Variants in PLCE1 observed in about 807,000 individuals in gnomAD.
PLCE1 encodes the protein phospholipase C epsilon 1.
PLCE1 carries 119 observed loss-of-function variants against 242.8 expected under a neutral mutation model. The observed-to-expected ratio is 0.49, with a 90% CI of 0.42 to 0.57. The LOEUF is 0.57. PLCE1 is among the 20% of genes least tolerant of loss of function. The pLI is 0.00. For synonymous variants in PLCE1, 945 were observed against 1,017.4 expected (o/e 0.93, Z 1.35); for missense variants, 2,441 against 2,788.8 (o/e 0.88, Z 2.81).
At chr10:94,012,349 G>A (rs1342961653) in intron 1 of PLCE1, among the ~76,000 whole-genome samples, 4 of 151,894 alleles carry the variant, frequency 2.6e-5, no homozygotes, top group African/African-American at 9.7e-5. Flanking sequence ...TAGCCAACAG[G>A]GCAAGTCAAG....
In PLCE1 at chr10:94,293,587, G is replaced by A. The variant is rs751378446; in HGVS notation, c.5115G>A (p.Pro1705=). 111 of 1,613,728 alleles carry A rather than the reference G, an allele frequency of 6.9e-5. No individual in the cohort carries two copies. Among genetic ancestry groups the A allele is most frequent in the Non-Finnish European group, 5.8e-5 (69 of 1,179,850 alleles). Residue 1705 remains proline, a synonymous_variant, in exon 23 of 33, where the codon CCG becomes CCA. Transcript: ENST00000371380. ...GGAAGTCCATTTTTGGCAACAATCCGGGCAGAATGAGCCCAGGGGAGACAG... is the reference window on the plus strand; with the variant it reads ...GGAAGTCCATTTTTGGCAACAATCCAGGCAGAATGAGCCCAGGGGAGACAG... ...KSRKSIFGNN[P]GRMSPGETAS...
chr10:94,263,489 C>T (rs534093274), intron 14 of PLCE1, among the ~76,000 whole-genome samples: 13 of 144,884 alleles, frequency 9.0e-5, no homozygotes, highest in African/African-American at 2.0e-4. Flanking sequence ...ATTCCAGCCT[C>T]GGCAACAGAG....
chr10:94,308,454 G>T (rs2053277490), intron 26 of PLCE1, 127 bp from the exon 27 acceptor site: 1 of 776,444 alleles, frequency 1.3e-6, no homozygotes, highest in East Asian at 2.4e-5. Context: ...GACGCCTGTT[G>T]GTTGCATGCC....
intron 28 of PLCE1, among the ~76,000 whole-genome samples, chr10:94,314,374 C>T (rs760226564): frequency 1.3e-5 from 2 of 152,096 alleles, no homozygotes; most frequent in Non-Finnish European, 2.9e-5. Flanking sequence ...CCGAGGCAGG[C>T]GGATCACGAG....
chr10:94,176,514 T>G (rs1255563465), intron 4 of PLCE1, among the ~76,000 whole-genome samples: 5 of 152,196 alleles, frequency 3.3e-5, no homozygotes, highest in Non-Finnish European at 5.9e-5. Context: ...AAAATTGATG[T>G]TATAAGCCCA....
At chr10:94,327,725 T>C (rs2054081126) in intron 32 of PLCE1, among the ~76,000 whole-genome samples, 1 of 152,184 alleles carries the variant, frequency 6.6e-6, no homozygotes, top group Admixed American at 6.5e-5. Flanking sequence ...TTTGATGTGA[T>C]CTTTTTTAAA....
In PLCE1 at chr10:94,223,233, C is replaced by CAAAAAAAAAA. The variant is rs60764243; in HGVS notation, c.1810-4063_1810-4054dup. ...GCAACATAGTGATACTCCATCTCTA[C>CAAAAAAAAAA]AAAAAAAAAAAAAAAAAAATTGAAT... is the stretch of plus-strand genomic sequence containing the variant. On this transcript the variant is annotated intron_variant, in intron 4 of 32. Transcript: ENST00000371380. 2.4e-3 allele frequency among the ~76,000 whole-genome samples: 215 copies of CAAAAAAAAAA among 90,686 alleles called. 8 individuals are homozygous for CAAAAAAAAAA. Among genetic ancestry groups the CAAAAAAAAAA allele is most frequent in the Non-Finnish European group, 3.0e-3 (151 of 49,634 alleles). 59.5% of individuals were successfully genotyped at this position (90,686 alleles called of 152,430 possible).
At chr10:94,260,879 G>T (rs1332412500) in intron 13 of PLCE1, among the ~76,000 whole-genome samples, 1 of 152,074 alleles carries the variant, frequency 6.6e-6, no homozygotes, top group African/African-American at 2.4e-5. Flanking sequence ...TGAGTGGAAA[G>T]TACAGAGTTC....
chr10:94,128,202 G>C (rs1185808194), intron 2 of PLCE1, among the ~76,000 whole-genome samples: 2 of 152,062 alleles, frequency 1.3e-5, no homozygotes, highest in Non-Finnish European at 2.9e-5. Context: ...TGGTCAGGCT[G>C]GTCTTGATCT....
At chr10:94,111,441 A>T (rs1401809012) in intron 2 of PLCE1, among the ~76,000 whole-genome samples, 1 of 152,196 alleles carries the variant, frequency 6.6e-6, no homozygotes, top group African/African-American at 2.4e-5. Context: ...GACATTGTGG[A>T]GCCTGCACCA....
At chr10:94,242,856 TATTAA>T (rs1339958771) in intron 7 of PLCE1, among the ~76,000 whole-genome samples, 2 of 152,204 alleles carry the variant, frequency 1.3e-5, no homozygotes, top group East Asian at 3.8e-4. Context: ...TCACCCAAAG[TATTAA>T]ATTAATATTC....
At chr10:94,102,013 T>G (rs2045556592) in intron 2 of PLCE1, among the ~76,000 whole-genome samples, 1 of 152,124 alleles carries the variant, frequency 6.6e-6, no homozygotes, top group Non-Finnish European at 1.5e-5. Flanking sequence ...TATTGAGAAG[T>G]GAGATTCTGA....
chr10:94,034,151 T>C (rs1325191770), intron 2 of PLCE1, among the ~76,000 whole-genome samples: 2 of 152,180 alleles, frequency 1.3e-5, no homozygotes, highest in Non-Finnish European at 2.9e-5. Context: ...ATGAGACTTA[T>C]TCACTACCAT....
chr10:94,033,801 A>T (rs1413795718), intron 2 of PLCE1, among the ~76,000 whole-genome samples: 2 of 152,178 alleles, frequency 1.3e-5, no homozygotes, highest in Non-Finnish European at 2.9e-5. Context: ...GAACTCTCAC[A>T]TTCCAATTTT....
intron 4 of PLCE1, 58 bp downstream of exon 4, chr10:94,171,554 C>T: frequency 7.7e-7 from 1 of 1,302,910 alleles, no homozygotes; most frequent in Non-Finnish European, 1.1e-6. Context: ...GATTTTCAAG[C>T]ATACCTCCCC....
chr10:94,258,860 C>G lies in PLCE1; in HGVS notation c.3615C>G (p.Ser1205Arg). ...AAGGCGGCATGAAGGGATTTCAGAG[C>G]TTCATGGTTTCAGATAGCAACATGA... ...RIKGGMKGFQ[S>R]FMVSDSNMSF... Residue 1205 changes from serine (S) to arginine (R), a missense_variant, in exon 12 of 33, where the codon AGC becomes AGG. Physicochemically the swap from Ser to Arg is moderately radical, Grantham distance 110. Around this residue, in one of 5 missense-constraint regions of PLCE1, gnomAD observed 1,004 missense variants for 1,322.7 expected, o/e 0.76. Coordinates refer to ENST00000371380, the MANE Select transcript of PLCE1 (RefSeq NM_016341.4). The G allele has an allele frequency of 6.2e-7, 1 of 1,614,086 alleles. No homozygotes were observed. The highest frequency in any genetic ancestry group is 1.1e-5 in the South Asian group (1 of 91,088).
At chr10:94,290,336 C>CT (rs556879135) in intron 22 of PLCE1, among the ~76,000 whole-genome samples, 120 of 144,626 alleles carry the variant, frequency 8.3e-4, no homozygotes, top group Admixed American at 1.5e-3. Flanking sequence ...TATTTTTCTC[C>CT]TTTTTTTTTT....
intron 2 of PLCE1, among the ~76,000 whole-genome samples, chr10:94,051,847 C>T (rs937775700): frequency 6.6e-6 from 1 of 152,194 alleles, no homozygotes; most frequent in Admixed American, 6.5e-5. Context: ...TCTTACCTAA[C>T]TTGGCTTTAA....
chr10:94,288,914 T>C (rs932553331), intron 22 of PLCE1, among the ~76,000 whole-genome samples: 1 of 152,226 alleles, frequency 6.6e-6, no homozygotes, highest in Non-Finnish European at 1.5e-5. Context: ...AGAACCCTGC[T>C]GCCTTGGACA....
Sources: gnomAD v4.1 joint callset for allele counts (sites outside exome capture counted in the v4.1 genomes callset) on GRCh38, gnomAD v4.1.1 for gene constraint, gnomAD v4.1.1 regional missense constraint, MANE v1.5 for transcripts, NCBI Gene and HGNC (gene_info 2026-07-23, HGNC 2026-07-21) for gene names.